The following AGPAT5 variants were observed in gnomAD, a reference collection of about 807,000 sequenced individuals.
AGPAT5 encodes 1-acyl-sn-glycerol-3-phosphate acyltransferase epsilon.
Under a neutral mutation model 45.6 loss-of-function variants are expected in AGPAT5, and 46 were observed. That is an observed-to-expected ratio of 1.01 (90% CI 0.80 to 1.29). The LOEUF (loss-of-function observed/expected upper bound fraction) is 1.29. AGPAT5 is among the 50% of genes most tolerant of loss of function. The pLI is 0.00. For missense variants in AGPAT5, 673 were observed against 450.7 expected (o/e 1.49, Z -4.47); for synonymous variants, 272 against 167.0 (o/e 1.63, Z -4.85).
intron 1 of AGPAT5, among the ~76,000 whole-genome samples, chr8:6,716,810 G>A (rs997366875): frequency 1.3e-5 from 2 of 152,082 alleles, no homozygotes; most frequent in Admixed American, 6.5e-5. Context: ...TCCAGACTGG[G>A]CAACAAGAGC....
rs1405893759 is a variant in AGPAT5 at position 6,740,690 on chromosome 8, A to G, written c.496-971A>G. Among the ~76,000 whole-genome samples, 5 of 152,146 alleles carry G rather than the reference A, an allele frequency of 3.3e-5. No individual in the cohort carries two copies. In the East Asian group the frequency reaches 7.7e-4, roughly 23 times the overall value. On this transcript the variant is annotated intron_variant, in intron 4 of 7. Coordinates refer to ENST00000285518, the MANE Select transcript of AGPAT5 (RefSeq NM_018361.5). ...ATCTAAAGAAAAAATTCAGTACCACATAGGTTTTTAAGTAGGAGCTGTATG... is the reference window on the plus strand; with the variant it reads ...ATCTAAAGAAAAAATTCAGTACCACGTAGGTTTTTAAGTAGGAGCTGTATG...
intron 4 of AGPAT5, among the ~76,000 whole-genome samples, chr8:6,733,703 C>T (rs577613260): frequency 2.8e-4 from 43 of 152,192 alleles, no homozygotes; most frequent in African/African-American, 9.2e-4. Context: ...TATGGTTTAT[C>T]GACTTTTTAC....
At chr8:6,729,391 T>A (rs994566053) in intron 2 of AGPAT5, among the ~76,000 whole-genome samples, 1 of 152,052 alleles carries the variant, frequency 6.6e-6, no homozygotes, top group African/African-American at 2.4e-5. Flanking sequence ...ACTCCTTTTG[T>A]TCTCATTTTC....
chr8:6,729,463 C>T (rs186820109), intron 2 of AGPAT5, among the ~76,000 whole-genome samples: 3 of 150,864 alleles, frequency 2.0e-5, no homozygotes, highest in Non-Finnish European at 2.9e-5. Flanking sequence ...GTTTTCTTTT[C>T]GAGTATCGTT....
intron 6 of AGPAT5, among the ~76,000 whole-genome samples, chr8:6,753,038 A>G (rs1384062334): frequency 1.3e-5 from 2 of 152,192 alleles, no homozygotes; most frequent in African/African-American, 4.8e-5. Flanking sequence ...AGGAGATAAT[A>G]ACAGCCCCTG....
rs746524078 is a variant in AGPAT5, at chr8:6,757,149, C to T, written c.870-14C>T. On this transcript the variant is annotated splice_polypyrimidine_tract_variant and intron_variant, in intron 7 of 7. Coordinates refer to ENST00000285518, the MANE Select transcript of AGPAT5 (RefSeq NM_018361.5). ...AAGTGACTAAAATCTAAACTTTTTC[C>T]ATTCTGGCCATAGGATGCTTATAGA... 4.7e-5 allele frequency: 75 copies of T among 1,596,268 alleles called. No homozygotes were observed. Among genetic ancestry groups the T allele is most frequent in the Admixed American group, 3.8e-4 (22 of 58,520 alleles).
At chr8:6,748,650 G>A (rs948993806) in intron 6 of AGPAT5, among the ~76,000 whole-genome samples, 6 of 152,154 alleles carry the variant, frequency 3.9e-5, no homozygotes, top group Non-Finnish European at 7.3e-5. Context: ...AACTACATGC[G>A]TGTGCCACCA....
Position 6,747,681 on chromosome 8 carries a change from T to A in AGPAT5, c.598T>A (p.Leu200Ile). ...GAATTGACTTCTAGGCCTTGCAGTATTAAAACATGTGCTAACACCACGAAT... is the reference window on the plus strand; with the variant it reads ...GAATTGACTTCTAGGCCTTGCAGTAATAAAACATGTGCTAACACCACGAAT... ...AFAAQRGLAVLKHVLTPRIKA... is the reference protein window; with the variant it reads ...AFAAQRGLAVIKHVLTPRIKA... The change falls in exon 6 of 8, where the codon TTA becomes ATA. Residue 200 changes from leucine to isoleucine, a missense_variant. Transcript: ENST00000285518. The A allele has an allele frequency of 6.2e-7, 1 of 1,613,976 alleles. No homozygotes were observed. The highest frequency in any genetic ancestry group is 8.5e-7 in the Non-Finnish European group (1 of 1,179,836).
intron 4 of AGPAT5, among the ~76,000 whole-genome samples, chr8:6,737,780 A>G (rs755027972): frequency 6.6e-6 from 1 of 152,232 alleles, no homozygotes; most frequent in Non-Finnish European, 1.5e-5. Flanking sequence ...TATTTCAGGT[A>G]GATTTTCTGG....
chr8:6,735,116 A>G (rs911259097), intron 4 of AGPAT5, among the ~76,000 whole-genome samples: 7 of 152,086 alleles, frequency 4.6e-5, no homozygotes, highest in African/African-American at 1.7e-4. Flanking sequence ...TTCTGGCTGT[A>G]AGTCTGTGCC....
chr8:6,715,826 G>A (rs969127832), intron 1 of AGPAT5, among the ~76,000 whole-genome samples: 1 of 152,144 alleles, frequency 6.6e-6, no homozygotes, highest in Non-Finnish European at 1.5e-5. Flanking sequence ...AGTGGAGAAG[G>A]CTATAAAAAT....
At chr8:6,748,501 T>G (rs1054651674) in intron 6 of AGPAT5, among the ~76,000 whole-genome samples, 5 of 152,138 alleles carry the variant, frequency 3.3e-5, no homozygotes, top group African/African-American at 1.2e-4. Flanking sequence ...TGGGGTTTTT[T>G]TGTTTTTCGT....
At chr8:6,740,585 CTA>C (rs1801215660) in intron 4 of AGPAT5, among the ~76,000 whole-genome samples, 1 of 151,136 alleles carries the variant, frequency 6.6e-6, no homozygotes, top group Admixed American at 6.6e-5. Context: ...GTTCTGAAGA[CTA>C]TTATATGAAT....
At chr8:6,711,127 C>T (rs1006358715) in intron 1 of AGPAT5, among the ~76,000 whole-genome samples, 1 of 152,180 alleles carries the variant, frequency 6.6e-6, no homozygotes, top group South Asian at 2.1e-4. Context: ...CCTTTCAACT[C>T]TAGGTTTAAA....
intron 6 of AGPAT5, among the ~76,000 whole-genome samples, chr8:6,753,966 G>A (rs1420526041): frequency 1.3e-5 from 2 of 152,302 alleles, no homozygotes; most frequent in East Asian, 1.9e-4. Flanking sequence ...AAGGAGCAAA[G>A]ACAAGTCTTC....
At chr8:6,748,640 A>C (rs1801557868) in intron 6 of AGPAT5, among the ~76,000 whole-genome samples, 1 of 152,186 alleles carries the variant, frequency 6.6e-6, no homozygotes, top group Non-Finnish European at 1.5e-5. Flanking sequence ...GAGTAGCTGG[A>C]ACTACATGCG....
chr8:6,712,107 C>G (rs1342399550), intron 1 of AGPAT5, among the ~76,000 whole-genome samples: 4 of 152,052 alleles, frequency 2.6e-5, no homozygotes, highest in Non-Finnish European at 5.9e-5. Context: ...TTTAACTTGC[C>G]TTATTTCTTT....
rs1347355465 is a variant in AGPAT5 at position 6,724,379 on chromosome 8, T to G, written c.220-491T>G. ...CCAGAATCCTACCTAATAATACTCCTGCTCTGCAGTTTACAGTTCTTTAAA... is the reference window on the plus strand; with the variant it reads ...CCAGAATCCTACCTAATAATACTCCGGCTCTGCAGTTTACAGTTCTTTAAA... On this transcript the variant is annotated intron_variant, in intron 1 of 7. Coordinates refer to ENST00000285518, the MANE Select transcript of AGPAT5 (RefSeq NM_018361.5). 2.6e-5 allele frequency among the ~76,000 whole-genome samples: 4 copies of G among 152,318 alleles called. No homozygotes were observed. In the East Asian group the frequency reaches 5.8e-4, roughly 22 times the overall value.
At chr8:6,740,548 A>G (rs11137065) in intron 4 of AGPAT5, among the ~76,000 whole-genome samples, 1 of 150,020 alleles carries the variant, frequency 6.7e-6, no homozygotes, top group Non-Finnish European at 1.5e-5. Context: ...ATATAATATT[A>G]TCTGTTAATT....
Sources: gnomAD v4.1 joint callset for allele counts (sites outside exome capture counted in the v4.1 genomes callset) on GRCh38, gnomAD v4.1.1 for gene constraint, MANE v1.5 for transcripts, NCBI Gene and HGNC (gene_info 2026-07-23, HGNC 2026-07-21) for gene names.